Variants in PROSER2 observed in about 807,000 individuals in gnomAD.
The protein encoded by PROSER2 is proline and serine rich 2.
Under a neutral mutation model 14.6 loss-of-function variants are expected in PROSER2, and 18 were observed. The observed-to-expected ratio is 1.23, with a 90% CI of 0.85 to 1.83. The LOEUF (loss-of-function observed/expected upper bound fraction) is 1.83, where lower values mean the gene tolerates loss of function less well. Ranked by LOEUF, PROSER2 falls within the 40% of genes most tolerant of loss-of-function variation. The probability of loss-of-function intolerance (pLI) is 0.00; values close to 1 mark genes in which losing one functional copy is unlikely to be tolerated. For synonymous variants in PROSER2, 367 were observed against 286.4 expected (o/e 1.28, Z -2.84); for missense variants, 823 against 629.8 (o/e 1.31, Z -3.28).
intron 1 of PROSER2, among the ~76,000 whole-genome samples, chr10:11,840,591 T>A (rs1221872582): frequency 1.3e-5 from 2 of 152,068 alleles, no homozygotes; most frequent in African/African-American, 4.8e-5. Context: ...CTTTCTCATA[T>A]ATTCTTTGGG....
Position 11,870,633 on chromosome 10 carries a change from G to C in PROSER2, c.*227G>C, listed in dbSNP as rs751467208. 273 of 457,868 alleles carry C rather than the reference G, an allele frequency of 6.0e-4. No individual in the cohort carries two copies. The highest frequency in any genetic ancestry group is 9.2e-4 in the Non-Finnish European group (234 of 253,210). The allele number at this position is 457,868 out of a possible 1,614,324, so 28.4% of individuals were successfully genotyped here. The stretch of plus-strand genomic sequence containing the variant: ...AACTCTTCCCTAAAGGAATCTGGCC[G>C]AGGGCTTGTCTCCCTTTTCCCAAGA... On this transcript the variant is annotated 3_prime_UTR_variant, in exon 4 of 4. Transcript: ENST00000277570.
Position 11,871,330 on chromosome 10 carries a change from CATG to C in PROSER2, c.*927_*929del, listed in dbSNP as rs1303964611. On this transcript the variant is annotated 3_prime_UTR_variant, in exon 4 of 4. Coordinates refer to ENST00000277570, the MANE Select transcript of PROSER2 (RefSeq NM_153256.4). ...TGGAAGTGTCTTAAGGACACGTCTCCATGATATTTTGGTGAACCAAAAGTGCTT... is the reference window on the plus strand; with the variant it reads ...TGGAAGTGTCTTAAGGACACGTCTCCATATTTTGGTGAACCAAAAGTGCTT... 1 of 152,214 alleles carries C rather than the reference CATG, an allele frequency of 6.6e-6. No individual in the cohort carries two copies. Among genetic ancestry groups the C allele is most frequent in the African/African-American group, 2.4e-5 (1 of 41,446 alleles). 9.4% of individuals were successfully genotyped at this position (152,214 alleles called of 1,614,324 possible).
chr10:11,870,204 G>C lies in PROSER2; in HGVS notation c.1106G>C (p.Arg369Pro). The C allele has an allele frequency of 6.7e-7, 1 of 1,489,924 alleles. No homozygotes were observed. The highest frequency in any genetic ancestry group is 8.9e-7 in the Non-Finnish European group (1 of 1,127,118). 92.3% of individuals were successfully genotyped at this position (1,489,924 alleles called of 1,614,324 possible). A position where few individuals can be genotyped will look rare whatever the true frequency, so the allele number is the denominator to read the frequency against. ...FAPAGKSLCF[R>P]PGPALPSTRA... ...CCCGCTGGGAAGTCCCTCTGCTTCC[G>C]CCCTGGCCCGGCCCTGCCCAGCACG... is the stretch of plus-strand genomic sequence containing the variant. Residue 369 changes from arginine (R) to proline (P), a missense_variant, in exon 4 of 4, where the codon CGC becomes CCC. Coordinates refer to ENST00000277570, the MANE Select transcript of PROSER2 (RefSeq NM_153256.4).
In PROSER2 at chr10:11,830,833, A is replaced by G. The variant is rs541149878; in HGVS notation, c.-82+7363A>G. ...AACTGGGTAATGCCTTTGTGCCCACAGGCTTGGATTGACTTGAGGAATTTG... is the reference window on the plus strand; with the variant it reads ...AACTGGGTAATGCCTTTGTGCCCACGGGCTTGGATTGACTTGAGGAATTTG... On this transcript the variant is annotated intron_variant, in intron 1 of 3. Coordinates refer to ENST00000277570, the MANE Select transcript of PROSER2 (RefSeq NM_153256.4). This position sits in a 1 kb window ranked among gnomAD's most constrained non-coding sequence, Gnocchi z 4.5. Among the ~76,000 whole-genome samples, 1 of 152,312 alleles carries G rather than the reference A, an allele frequency of 6.6e-6. No homozygotes were observed. The highest frequency in any genetic ancestry group is 1.5e-5 in the Non-Finnish European group (1 of 68,030).
rs1367450579 is a variant in PROSER2, at chr10:11,869,746, G to A, written c.648G>A (p.Pro216=). ...AGNEALSPTS[P]FREGRPGEWR... is the part of the protein sequence containing the mutation. ...ACGAAGCCCTCTCGCCCACCTCCCC[G>A]TTCAGGGAGGGCCGGCCCGGGGAGT... The change falls in exon 4 of 4, where the codon CCG becomes CCA. Residue 216 remains proline (P), a synonymous_variant. Coordinates refer to ENST00000277570, the MANE Select transcript of PROSER2 (RefSeq NM_153256.4). This position sits in a 1 kb window ranked among gnomAD's most constrained non-coding sequence, Gnocchi z 4.4. 3.2e-6 allele frequency: 5 copies of A among 1,583,656 alleles called. No homozygotes were observed. Among genetic ancestry groups the A allele is most frequent in the Middle Eastern group, 1.7e-4 (1 of 5,860 alleles).
At chr10:11,845,885 C>A (rs1264483499) in intron 1 of PROSER2, among the ~76,000 whole-genome samples, 1 of 152,170 alleles carries the variant, frequency 6.6e-6, no homozygotes, top group Non-Finnish European at 1.5e-5. Context: ...GGTGGGGGGA[C>A]CCTCAGACTG....
rs1833793564 is a variant in PROSER2 at position 11,838,518 on chromosome 10, C to A, written c.-81-13479C>A. Among the ~76,000 whole-genome samples the A allele has an allele frequency of 6.6e-6, 1 of 152,216 alleles. No individual in the cohort carries two copies. The highest frequency in any genetic ancestry group is 2.4e-5 in the African/African-American group (1 of 41,456). On this transcript the variant is annotated intron_variant, in intron 1 of 3. Transcript: ENST00000277570. The surrounding 1 kb of genome is among the most constrained non-coding windows in gnomAD (Gnocchi z 4.4). ...CCACATGTTCCTAGTAGACAGCTCC[C>A]CTGGAGTGAAGGCTGAGCAGTGGAA... is the stretch of plus-strand genomic sequence containing the variant.
chr10:11,830,385 C>T lies in PROSER2; in HGVS notation c.-82+6915C>T, dbSNP rs552660145. On this transcript the variant is annotated intron_variant, in intron 1 of 3. Transcript: ENST00000277570. This position sits in a 1 kb window ranked among gnomAD's most constrained non-coding sequence, Gnocchi z 4.5. ...GCATTCATTTTTATGGCTGAGTAGT[C>T]GTCCGTGGTGTTTATATACCACATT... Among the ~76,000 whole-genome samples, 3 of 152,142 alleles carry T rather than the reference C, an allele frequency of 2.0e-5. No individual in the cohort carries two copies. Among genetic ancestry groups the T allele is most frequent in the African/African-American group, 7.2e-5 (3 of 41,436 alleles).
At position 11,870,000 on chromosome 10, in the gene PROSER2, A is replaced by ACG; in HGVS notation, c.904_905dup (p.Gly303ProfsTer51). 1 of 1,254,488 alleles carries ACG rather than the reference A, an allele frequency of 8.0e-7. No individual in the cohort carries two copies. Among genetic ancestry groups the ACG allele is most frequent in the African/African-American group, 1.6e-5 (1 of 62,266 alleles). The allele number at this position is 1,254,488 out of a possible 1,614,324, so 77.7% of individuals were successfully genotyped here. On this transcript the variant is annotated frameshift_variant, in exon 4 of 4. Transcript: ENST00000277570. LOFTEE classifies it low-confidence loss of function (END_TRUNC). The surrounding 1 kb of genome is among the most constrained non-coding windows in gnomAD (Gnocchi z 4.4). ...GCCGGCGCCTTCCCCGCCGCGGGGG[A>ACG]CGCCGGCGAGGGGGCCCCAGGGGGC...
chr10:11,833,315 G>T (rs963990173), intron 1 of PROSER2, among the ~76,000 whole-genome samples: 1 of 146,458 alleles, frequency 6.8e-6, no homozygotes, highest in Non-Finnish European at 1.5e-5. Context: ...AGCTGAGGCA[G>T]GAGGATTGTT....
intron 2 of PROSER2, among the ~76,000 whole-genome samples, chr10:11,854,477 T>C (rs1028689596): frequency 2.0e-5 from 3 of 152,104 alleles, no homozygotes; most frequent in Non-Finnish European, 4.4e-5. Flanking sequence ...CCTGGCTAAT[T>C]TGTTAAATTT....
rs1332824639 is a variant in PROSER2 at position 11,866,602 on chromosome 10, C to G, written c.210C>G (p.Asp70Glu). The G allele has an allele frequency of 6.2e-7, 1 of 1,614,242 alleles. No individual in the cohort carries two copies. Among genetic ancestry groups the G allele is most frequent in the African/African-American group, 1.3e-5 (1 of 75,076 alleles). Residue 70 changes from aspartate to glutamate, a missense_variant, in exon 3 of 4, where the codon GAC becomes GAG. By Grantham distance (45) the Asp-to-Glu change is conservative. Transcript: ENST00000277570. The surrounding 1 kb of genome is among the most constrained non-coding windows in gnomAD (Gnocchi z 6.0). The stretch of plus-strand genomic sequence containing the variant: ...TCCTGTTTTTTGAAGAGACGATTGA[C>G]TCCCTAGACGAGGACTTTGAGGAGC... The part of the protein sequence containing the change: ...DVLLFFEETI[D>E]SLDEDFEEPV...
Position 11,837,213 on chromosome 10 carries a change from GA to G in PROSER2, c.-82+13752del, listed in dbSNP as rs1410215291. Among the ~76,000 whole-genome samples the G allele has an allele frequency of 2.0e-5, 3 of 151,392 alleles. No individual in the cohort carries two copies. Among genetic ancestry groups the G allele is most frequent in the East Asian group, 3.9e-4 (2 of 5,182 alleles). On this transcript the variant is annotated intron_variant, in intron 1 of 3. Coordinates refer to ENST00000277570, the MANE Select transcript of PROSER2 (RefSeq NM_153256.4). This position sits in a 1 kb window ranked among gnomAD's most constrained non-coding sequence, Gnocchi z 4.6. ...ATGTGAAAGTTCTGAACTTGGAGAAGAAAAAAAAATCAAATGCTGAGGTCGC... is the reference window on the plus strand; with the variant it reads ...ATGTGAAAGTTCTGAACTTGGAGAAGAAAAAAAATCAAATGCTGAGGTCGC...
rs1295592228 is a variant in PROSER2, at chr10:11,856,475, A to G, written c.138+4260A>G. On this transcript the variant is annotated intron_variant, in intron 2 of 3. Coordinates refer to ENST00000277570, the MANE Select transcript of PROSER2 (RefSeq NM_153256.4). The surrounding 1 kb of genome is among the most constrained non-coding windows in gnomAD (Gnocchi z 5.3). ...AAAGGGCGGAGAGCTCTGCACTCGC[A>G]TGGTTCTCAAGGAGTGGAGCTGGAA... Among the ~76,000 whole-genome samples, 1 of 152,220 alleles carries G rather than the reference A, an allele frequency of 6.6e-6. No homozygotes were observed. The highest frequency in any genetic ancestry group is 1.5e-5 in the Non-Finnish European group (1 of 68,030).
chr10:11,844,037 G>T (rs1435344395), intron 1 of PROSER2, among the ~76,000 whole-genome samples: 1 of 151,966 alleles, frequency 6.6e-6, no homozygotes, highest in Non-Finnish European at 1.5e-5. Flanking sequence ...TGCCCCCTAG[G>T]CTGGAGTCCA....
intron 1 of PROSER2, among the ~76,000 whole-genome samples, chr10:11,829,316 A>G (rs1833658736): frequency 6.6e-6 from 1 of 151,418 alleles, no homozygotes; most frequent in Admixed American, 6.6e-5. Context: ...CGGGCATGCT[A>G]GATCATGCCT....
rs549205019 is a variant in PROSER2 at position 11,862,251 on chromosome 10, A to G, written c.139-4280A>G. On this transcript the variant is annotated intron_variant, in intron 2 of 3. Transcript: ENST00000277570. The surrounding 1 kb of genome is among the most constrained non-coding windows in gnomAD (Gnocchi z 4.2). The stretch of plus-strand genomic sequence containing the variant: ...TGCAAATCCCGCTTAAAGTCACCAC[A>G]GGGGCATGCGTGTGTTTATGTGAAT... Among the ~76,000 whole-genome samples, 1 of 152,344 alleles carries G rather than the reference A, an allele frequency of 6.6e-6. No homozygotes were observed. Among genetic ancestry groups the G allele is most frequent in the African/African-American group, 2.4e-5 (1 of 41,582 alleles).
chr10:11,829,964 C>T (rs1435912195), intron 1 of PROSER2, among the ~76,000 whole-genome samples: 8 of 151,684 alleles, frequency 5.3e-5, no homozygotes, highest in African/African-American at 1.9e-4. Flanking sequence ...CCACCTCAGC[C>T]TCCGGAGTAT....
At chr10:11,867,264 C>CAAAAA (rs10560433) in intron 3 of PROSER2, among the ~76,000 whole-genome samples, 859 of 51,736 alleles carry the variant, frequency 0.017, 51 homozygotes, top group Middle Eastern at 0.029. Context: ...GACTCCGTCT[C>CAAAAA]AAAAAAAAAA....
Sources: gnomAD v4.1 joint callset for allele counts (sites outside exome capture counted in the v4.1 genomes callset) on GRCh38, gnomAD v4.1.1 for gene constraint, Gnocchi (gnomAD v3.1) non-coding constraint, MANE v1.5 for transcripts, NCBI Gene and HGNC (gene_info 2026-07-23, HGNC 2026-07-21) for gene names.